Variants in ALDH1A3 observed in about 807,000 individuals in gnomAD.
The protein encoded by ALDH1A3 is retinaldehyde dehydrogenase 3.
In ALDH1A3, 28 loss-of-function variants were observed where a neutral mutation model predicts 57.5. The ratio of observed to expected loss-of-function variants is 0.49; its 90% CI spans 0.36 to 0.67. The LOEUF (loss-of-function observed/expected upper bound fraction) is 0.67, where lower values mean the gene tolerates loss of function less well. ALDH1A3 is among the 30% of genes least tolerant of loss of function. ALDH1A3 has a pLI of 0.00. For synonymous variants in ALDH1A3, 281 were observed against 264.8 expected (o/e 1.06, Z -0.59); for missense variants, 507 against 669.4 (o/e 0.76, Z 2.68).
At position 100,908,509 on chromosome 15, in the gene ALDH1A3, G is replaced by A. The variant is rs1227225934; in HGVS notation, c.1466+27G>A. ...TAAGTGTTTCCATCATTCTGAGCCT[G>A]CCGTGGGCTGAACACTAGATCCACT... On this transcript the variant is annotated intron_variant, in intron 12 of 12. Coordinates refer to ENST00000329841, the MANE Select transcript of ALDH1A3 (RefSeq NM_000693.4). The A allele has an allele frequency of 3.2e-6, 5 of 1,582,606 alleles. No individual in the cohort carries two copies. In the East Asian group the frequency reaches 9.0e-5, roughly 28 times the overall value.
Position 100,893,628 on chromosome 15 carries a change from C to T in ALDH1A3, c.538-326C>T, listed in dbSNP as rs529402467. ...AACAGCCAGGCAGGAAGCTGAAGAG[C>T]CAGGTGGCAACATGAAGTGAGGGTT... is the stretch of plus-strand genomic sequence containing the variant. On this transcript the variant is annotated intron_variant, in intron 5 of 12. Transcript: ENST00000329841. This position sits in a 1 kb window ranked among gnomAD's most constrained non-coding sequence, Gnocchi z 4.8. 1.7e-3 allele frequency: 387 copies of T among 231,444 alleles called. 1 individual carries two copies. Among genetic ancestry groups the T allele is most frequent in the Non-Finnish European group, 1.8e-3 (218 of 118,398 alleles). 14.3% of individuals were successfully genotyped at this position (231,444 alleles called of 1,614,324 possible).
At position 100,892,935 on chromosome 15, in the gene ALDH1A3, C is replaced by A. The variant is rs751460261; in HGVS notation, c.476-10C>A. On this transcript the variant is annotated splice_polypyrimidine_tract_variant and intron_variant, in intron 4 of 12. Transcript: ENST00000329841. ...AGTGTGTCCTTCCCCACCATGTAAC[C>A]CTCTTCCAGATGACAACGTCGTGTG... 2 of 1,613,782 alleles carry A rather than the reference C, an allele frequency of 1.2e-6. No individual in the cohort carries two copies. Among genetic ancestry groups the A allele is most frequent in the African/African-American group, 1.3e-5 (1 of 75,010 alleles).
At chr15:100,886,688 CAG>C (rs2041597648) in intron 2 of ALDH1A3, among the ~76,000 whole-genome samples, 1 of 152,174 alleles carries the variant, frequency 6.6e-6, no homozygotes, top group East Asian at 1.9e-4. Context: ...GAAAAAGAGA[CAG>C]TGACACTACT....
rs1440308015 is a variant in ALDH1A3, at chr15:100,889,795, A to G, written c.345+2083A>G. Reference sequence around the variant, plus strand: ...GCAAACCCAGCAAATCACTTCTGCCACTGGCACCTCGCAGCCCACGAGAAA... The same window carrying G: ...GCAAACCCAGCAAATCACTTCTGCCGCTGGCACCTCGCAGCCCACGAGAAA... On this transcript the variant is annotated intron_variant, in intron 3 of 12. Transcript: ENST00000329841. This position sits in a 1 kb window ranked among gnomAD's most constrained non-coding sequence, Gnocchi z 5.1. 6.6e-6 allele frequency among the ~76,000 whole-genome samples: 1 copy of G among 152,242 alleles called. No individual in the cohort carries two copies. The highest frequency in any genetic ancestry group is 1.5e-5 in the Non-Finnish European group (1 of 68,048).
At position 100,915,104 on chromosome 15, in the gene ALDH1A3, C is replaced by T; in HGVS notation, c.*331C>T. The T allele has an allele frequency of 3.8e-6, 1 of 263,100 alleles. No homozygotes were observed. The highest frequency in any genetic ancestry group is 6.3e-5 in the South Asian group (1 of 15,842). The allele number at this position is 263,100 out of a possible 1,614,324, so 16.3% of individuals were successfully genotyped here. ...TGGTATTTGAAGTGTCCAGCAGTTG[C>T]TTGAAATGCTTTGCCGAATCTGACT... On this transcript the variant is annotated 3_prime_UTR_variant, in exon 13 of 13. Coordinates refer to ENST00000329841, the MANE Select transcript of ALDH1A3 (RefSeq NM_000693.4).
At chr15:100,907,085 C>T in intron 10 of ALDH1A3, 36 bp from the exon 11 acceptor site, 1 of 1,605,098 alleles carries the variant, frequency 6.2e-7, no homozygotes, top group African/African-American at 1.3e-5. Context: ...TCCATTCAGT[C>T]ATGCCTCTCA....
chr15:100,893,913 G>C lies in ALDH1A3; in HGVS notation c.538-41G>C. 1 of 1,607,638 alleles carries C rather than the reference G, an allele frequency of 6.2e-7. No individual in the cohort carries two copies. Among genetic ancestry groups the C allele is most frequent in the South Asian group, 1.1e-5 (1 of 89,898 alleles). On this transcript the variant is annotated intron_variant, in intron 5 of 12. Transcript: ENST00000329841. The surrounding 1 kb of genome is among the most constrained non-coding windows in gnomAD (Gnocchi z 4.8). The stretch of plus-strand genomic sequence containing the variant: ...GTTGAGCACATGGGACAGGGTAAGA[G>C]GGTGGATCTGGGCCTCCAAAGCCCC...
chr15:100,895,915 A>G lies in ALDH1A3; in HGVS notation c.667-18A>G. ...TGAAGTCCGTTCTTCTTCAAGTGCT[A>G]TCTTGATTTCTTCCCAGGCCGGGTT... On this transcript the variant is annotated intron_variant, in intron 6 of 12. Transcript: ENST00000329841. The G allele has an allele frequency of 2.5e-6, 4 of 1,593,174 alleles. 1 individual carries two copies. The highest frequency in any genetic ancestry group is 1.7e-4 in the Middle Eastern group (1 of 5,992).
chr15:100,908,363 G>C, intron 11 of ALDH1A3, 45 bp from the exon 12 acceptor site: 1 of 1,546,368 alleles, frequency 6.5e-7, no homozygotes, highest in Non-Finnish European at 8.9e-7. Flanking sequence ...AGGAGCCAGG[G>C]GGTCTTCTCC....
rs1434542676 is a variant in ALDH1A3, at chr15:100,906,431, C to T, written c.1234-690C>T. 6.6e-6 allele frequency among the ~76,000 whole-genome samples: 1 copy of T among 152,074 alleles called. No homozygotes were observed. The highest frequency in any genetic ancestry group is 2.4e-5 in the African/African-American group (1 of 41,388). On this transcript the variant is annotated intron_variant, in intron 10 of 12. Coordinates refer to ENST00000329841, the MANE Select transcript of ALDH1A3 (RefSeq NM_000693.4). This position sits in a 1 kb window ranked among gnomAD's most constrained non-coding sequence, Gnocchi z 4.8. ...CGTCTTCCTTGAGATTGTTATGTGC[C>T]GTGATGGCATGAAGCTCAGCTCCTT...
Position 100,914,720 on chromosome 15 carries a change from G to T in ALDH1A3, c.1486G>T (p.Glu496Ter), listed in dbSNP as rs753755248. Residue 496 changes from glutamate to a stop codon, truncating the protein, a stop_gained, in exon 13 of 13, where the codon GAA (glutamate) becomes TAA (stop). Coordinates refer to ENST00000329841, the MANE Select transcript of ALDH1A3 (RefSeq NM_000693.4). LOFTEE classifies it high-confidence loss of function. ...TCACAGAGGTGAATACGCTTTGGCC[G>T]AATACACAGAAGTGAAAACTGTCAC... The part of the protein sequence containing the change: ...GRELGEYALA[E>*]YTEVKTVTIK... 6.2e-7 allele frequency: 1 copy of T among 1,613,958 alleles called. No homozygotes were observed. Among genetic ancestry groups the T allele is most frequent in the South Asian group, 1.1e-5 (1 of 91,042 alleles).
chr15:100,892,955 C>G lies in ALDH1A3; in HGVS notation c.486C>G (p.Val162=). 6.2e-7 allele frequency: 1 copy of G among 1,614,098 alleles called. No homozygotes were observed. The highest frequency in any genetic ancestry group is 8.5e-7 in the Non-Finnish European group (1 of 1,179,990). ...GTAACCCTCTTCCAGATGACAACGT[C>G]GTGTGCTTCACCAGGCATGAGCCCA... The part of the protein sequence containing the change: ...QGKTIPTDDN[V]VCFTRHEPIG... The change falls in exon 5 of 13, where the codon GTC becomes GTG. Residue 162 remains valine (V), a synonymous_variant. Transcript: ENST00000329841.
At chr15:100,903,309 T>C (rs1230676591) in intron 9 of ALDH1A3, among the ~76,000 whole-genome samples, 2 of 152,178 alleles carry the variant, frequency 1.3e-5, no homozygotes, top group African/African-American at 4.8e-5. Flanking sequence ...GTTTCCATGA[T>C]AGTATATCAT....
At chr15:100,895,849 C>T (rs749640644) in intron 6 of ALDH1A3, 84 bp from the exon 7 acceptor site, 2 of 1,212,346 alleles carry the variant, frequency 1.6e-6, no homozygotes, top group Non-Finnish European at 2.4e-6. Context: ...GGATGTGAGG[C>T]AGCCACGGCT....
intron 10 of ALDH1A3, 94 bp downstream of exon 10, chr15:100,905,781 T>A: frequency 1.5e-6 from 2 of 1,314,064 alleles, no homozygotes; most frequent in Non-Finnish European, 2.1e-6. Context: ...CCTTGTGATC[T>A]GAGTGTTTTT....
At chr15:100,882,756 C>T (rs992097075) in intron 1 of ALDH1A3, among the ~76,000 whole-genome samples, 1 of 152,210 alleles carries the variant, frequency 6.6e-6, no homozygotes, top group African/African-American at 2.4e-5. Flanking sequence ...GACAACAATT[C>T]CTTCTAGACC....
At chr15:100,912,744 T>C (rs2041892607) in intron 12 of ALDH1A3, among the ~76,000 whole-genome samples, 1 of 152,226 alleles carries the variant, frequency 6.6e-6, no homozygotes, top group South Asian at 2.1e-4. Context: ...ATGGTTTTCC[T>C]ATTTGATAGT....
intron 12 of ALDH1A3, among the ~76,000 whole-genome samples, chr15:100,911,335 G>A (rs992386255): frequency 7.2e-5 from 11 of 152,198 alleles, no homozygotes; most frequent in African/African-American, 2.4e-4. Flanking sequence ...TTTCTGTGCG[G>A]GTCTCAGGAT....
chr15:100,901,748 C>T (rs986855594), intron 9 of ALDH1A3, among the ~76,000 whole-genome samples: 3 of 152,200 alleles, frequency 2.0e-5, no homozygotes, highest in Non-Finnish European at 2.9e-5. Flanking sequence ...GACAGGTTCT[C>T]CAGTCTAGGT....
Sources: gnomAD v4.1 joint callset for allele counts (sites outside exome capture counted in the v4.1 genomes callset) on GRCh38, gnomAD v4.1.1 for gene constraint, Gnocchi (gnomAD v3.1) non-coding constraint, MANE v1.5 for transcripts, NCBI Gene and HGNC (gene_info 2026-07-23, HGNC 2026-07-21) for gene names.